Variants in NLN observed in about 807,000 individuals in gnomAD.
NLN encodes the protein neurolysin, mitochondrial.
Under a neutral mutation model 79.9 loss-of-function variants are expected in NLN, and 64 were observed. That is an observed-to-expected ratio of 0.80 (90% CI 0.65 to 0.99). The LOEUF (loss-of-function observed/expected upper bound fraction) is 0.99. Ranked by LOEUF, NLN falls within the 50% of genes least tolerant of loss-of-function variation. The pLI, the probability that NLN is intolerant of heterozygous loss-of-function variation, is 0.00. For synonymous variants in NLN, 267 were observed against 296.6 expected, an observed-to-expected ratio of 0.90 and a Z score of 1.02; for missense variants, 835 against 858.7, an observed-to-expected ratio of 0.97 and a Z score of 0.34.
chr5:65,823,257 G>A lies in NLN; in HGVS notation c.*342G>A. On this transcript the variant is annotated 3_prime_UTR_variant, in exon 13 of 13. Coordinates refer to ENST00000380985, the MANE Select transcript of NLN (RefSeq NM_020726.5). Reference sequence around the variant, plus strand: ...AATTTTTAAATTGAATCATATATATGATATAATTTGATCCTTCTTGTATCT... The same window carrying A: ...AATTTTTAAATTGAATCATATATATAATATAATTTGATCCTTCTTGTATCT... The A allele has an allele frequency of 5.7e-6, 1 of 175,860 alleles. No homozygotes were observed. The highest frequency in any genetic ancestry group is 1.2e-5 in the Non-Finnish European group (1 of 82,846). The allele number at this position is 175,860 out of a possible 1,614,324, so 10.9% of individuals were successfully genotyped here.
At chr5:65,762,846 TA>T in intron 2 of NLN, 113 bp from the exon 3 acceptor site, 1 of 1,037,634 alleles carries the variant, frequency 9.6e-7, no homozygotes, top group Non-Finnish European at 1.4e-6. Flanking sequence ...ACAGAAAGTA[TA>T]AAATAAAACA....
chr5:65,756,614 A>G (rs2150744986), intron 1 of NLN, among the ~76,000 whole-genome samples: 1 of 152,236 alleles, frequency 6.6e-6, no homozygotes, highest in East Asian at 1.9e-4. Flanking sequence ...ATGGCTCTCG[A>G]ATTGCCTTCA....
chr5:65,758,585 T>G lies in NLN; in HGVS notation c.60T>G (p.Ile20Met). The change falls in exon 2 of 13, where the codon ATT (isoleucine) becomes ATG (methionine). Residue 20 changes from isoleucine (I) to methionine (M), a missense_variant. Ile to Met is a conservative substitution (Grantham distance 10). Coordinates refer to ENST00000380985, the MANE Select transcript of NLN (RefSeq NM_020726.5). Reference sequence around the variant, plus strand: ...TTTTTAGAGTTGGTGGTTCCAGGATTTTACTCAGAATGACGTTAGGAAGAG... The same window carrying G: ...TTTTTAGAGTTGGTGGTTCCAGGATGTTACTCAGAATGACGTTAGGAAGAG... The part of the protein sequence containing the change: ...RSLRRVGGSR[I>M]LLRMTLGREV... 6.2e-7 allele frequency: 1 copy of G among 1,609,904 alleles called. No homozygotes were observed. Among genetic ancestry groups the G allele is most frequent in the Non-Finnish European group, 8.5e-7 (1 of 1,176,382 alleles).
intron 6 of NLN, among the ~76,000 whole-genome samples, chr5:65,784,520 C>A (rs1344679820): frequency 6.6e-6 from 1 of 152,076 alleles, no homozygotes; most frequent in Non-Finnish European, 1.5e-5. Context: ...TAGAAAGGGC[C>A]TTTTTTCTAT....
intron 2 of NLN, among the ~76,000 whole-genome samples, chr5:65,761,832 G>A (rs1421430485): frequency 1.3e-5 from 2 of 152,122 alleles, no homozygotes. Context: ...GTTTTAGGAG[G>A]ACTGATACGA....
At chr5:65,730,488 A>G (rs1478019150) in intron 1 of NLN, among the ~76,000 whole-genome samples, 1 of 152,152 alleles carries the variant, frequency 6.6e-6, no homozygotes, top group Non-Finnish European at 1.5e-5. Flanking sequence ...TCAGGCAAGT[A>G]AGTAGGAGAT....
intron 3 of NLN, among the ~76,000 whole-genome samples, chr5:65,769,892 G>A (rs1158500926): frequency 6.6e-6 from 1 of 152,202 alleles, no homozygotes; most frequent in Non-Finnish European, 1.5e-5. Context: ...CTCTGGCAGA[G>A]TGCCTGATAA....
chr5:65,789,819 C>T (rs951029535), intron 8 of NLN, among the ~76,000 whole-genome samples: 1 of 152,122 alleles, frequency 6.6e-6, no homozygotes, highest in Non-Finnish European at 1.5e-5. Flanking sequence ...AATCTATGGC[C>T]ACTCCCTTCA....
At chr5:65,728,382 A>G (rs983864672) in intron 1 of NLN, among the ~76,000 whole-genome samples, 8 of 152,086 alleles carry the variant, frequency 5.3e-5, no homozygotes, top group African/African-American at 1.9e-4. Flanking sequence ...ACTATTCCCA[A>G]CTTCCTGCAA....
At chr5:65,770,758 A>G (rs1242010237) in intron 3 of NLN, among the ~76,000 whole-genome samples, 1 of 152,222 alleles carries the variant, frequency 6.6e-6, no homozygotes, top group African/African-American at 2.4e-5. Context: ...TCAGCAAGAA[A>G]ATGGATCTAT....
At chr5:65,739,377 T>A (rs1204466485) in intron 1 of NLN, among the ~76,000 whole-genome samples, 1 of 152,146 alleles carries the variant, frequency 6.6e-6, no homozygotes, top group Non-Finnish European at 1.5e-5. Flanking sequence ...GAATAATATT[T>A]CATTGTGTAT....
At chr5:65,819,054 C>T (rs1432932504) in intron 12 of NLN, 1 of 152,144 alleles carries the variant, frequency 6.6e-6, no homozygotes, top group Non-Finnish European at 1.5e-5. Context: ...TGCCTAAGTG[C>T]CTTATCTCTC....
chr5:65,739,947 G>C (rs1458501437), intron 1 of NLN, among the ~76,000 whole-genome samples: 1 of 151,900 alleles, frequency 6.6e-6, no homozygotes, highest in Non-Finnish European at 1.5e-5. Context: ...CCATTCTATA[G>C]GTTGTCTCTT....
chr5:65,787,421 A>G (rs1483223069), intron 7 of NLN, among the ~76,000 whole-genome samples: 1 of 152,078 alleles, frequency 6.6e-6, no homozygotes, highest in African/African-American at 2.4e-5. Context: ...TCACATTGTG[A>G]GGTTGCCTTC....
chr5:65,762,000 C>T (rs534192812), intron 2 of NLN, among the ~76,000 whole-genome samples: 2 of 152,230 alleles, frequency 1.3e-5, no homozygotes, highest in East Asian at 3.9e-4. Flanking sequence ...TCACTATAAA[C>T]CATACTTATT....
rs1421583700 is a variant in NLN, at chr5:65,738,940, T to A, written c.41+16526T>A. Among the ~76,000 whole-genome samples the A allele has an allele frequency of 2.9e-3, 272 of 93,238 alleles. 1 individual carries two copies. Among genetic ancestry groups the A allele is most frequent in the African/African-American group, 0.01 (255 of 24,422 alleles). 61.2% of individuals were successfully genotyped at this position (93,238 alleles called of 152,430 possible). On this transcript the variant is annotated intron_variant, in intron 1 of 12. Transcript: ENST00000380985. ...GATATATATGTGTGTATATATATTT[T>A]TTATATATGTTTATATATATGTATA...
chr5:65,824,842 A>C lies in NLN; in HGVS notation c.*1927A>C, dbSNP rs1226410546. 2.0e-5 allele frequency: 3 copies of C among 152,328 alleles called. No homozygotes were observed. In the East Asian group the frequency reaches 5.8e-4, roughly 29 times the overall value. 9.4% of individuals were successfully genotyped at this position (152,328 alleles called of 1,614,324 possible). A position where few individuals can be genotyped will look rare whatever the true frequency, so the allele number is the denominator to read the frequency against. Reference sequence around the variant, plus strand: ...AAACTCAGCCCGGGCGCAGTGGCTCATGCCTGTAATCCCAGCACTTTGGGA... The same window carrying C: ...AAACTCAGCCCGGGCGCAGTGGCTCCTGCCTGTAATCCCAGCACTTTGGGA... On this transcript the variant is annotated 3_prime_UTR_variant, in exon 13 of 13. Transcript: ENST00000380985.
chr5:65,779,090 C>T (rs1218940482), intron 4 of NLN, among the ~76,000 whole-genome samples: 4 of 152,068 alleles, frequency 2.6e-5, no homozygotes, highest in Non-Finnish European at 5.9e-5. Flanking sequence ...GGGAGAGTAT[C>T]GGAAAACACC....
At chr5:65,754,943 T>C (rs1037462213) in intron 1 of NLN, among the ~76,000 whole-genome samples, 7 of 152,222 alleles carry the variant, frequency 4.6e-5, no homozygotes, top group African/African-American at 9.7e-5. Flanking sequence ...CTGACTCCAG[T>C]GTTCATGTAG....
Sources: gnomAD v4.1 joint callset for allele counts (sites outside exome capture counted in the v4.1 genomes callset) on GRCh38, gnomAD v4.1.1 for gene constraint, MANE v1.5 for transcripts, NCBI Gene and HGNC (gene_info 2026-07-23, HGNC 2026-07-21) for gene names.